The following CNTNAP2 variants were observed in gnomAD, a reference collection of about 807,000 sequenced individuals.
CNTNAP2 encodes the protein contactin associated protein 2, also known as contactin-associated protein-like 2.
In CNTNAP2, 98 loss-of-function variants were observed where a neutral mutation model predicts 155.2. That is an observed-to-expected ratio of 0.63 (90% CI 0.54 to 0.75). The LOEUF is 0.75. Among genes scored for constraint, CNTNAP2 ranks in the 30% least tolerant of loss-of-function variants. The pLI is 0.00. For synonymous variants in CNTNAP2, 651 were observed against 631.2 expected (o/e 1.03, Z -0.47); for missense variants, 1,727 against 1,688.1 (o/e 1.02, Z -0.40).
intron 11 of CNTNAP2, among the ~76,000 whole-genome samples, chr7:147,492,655 G>T (rs1308202963): frequency 6.6e-6 from 1 of 152,104 alleles, no homozygotes; most frequent in Non-Finnish European, 1.5e-5. Context: ...TTCCCCATCA[G>T]TTGGACATGT....
chr7:146,161,448 C>G (rs1217041726), intron 1 of CNTNAP2, among the ~76,000 whole-genome samples: 2 of 152,104 alleles, frequency 1.3e-5, no homozygotes, highest in Admixed American at 1.3e-4. Flanking sequence ...AGGATTCCAA[C>G]TTGCAAGAGA....
chr7:147,419,587 G>C (rs1412263800), intron 10 of CNTNAP2, among the ~76,000 whole-genome samples: 2 of 152,078 alleles, frequency 1.3e-5, no homozygotes, highest in African/African-American at 2.4e-5. Flanking sequence ...GAAAAAGAAG[G>C]CAGAAGTTAC....
chr7:147,754,290 TTCA>T (rs545279086), intron 13 of CNTNAP2, among the ~76,000 whole-genome samples: 135 of 152,334 alleles, frequency 8.9e-4, no homozygotes, highest in African/African-American at 3.0e-3. Context: ...AAGGCACCAA[TTCA>T]TCATCATCTT....
chr7:147,146,752 G>A (rs911869422), intron 8 of CNTNAP2: 6 of 152,054 alleles, frequency 3.9e-5, no homozygotes, highest in South Asian at 4.1e-4. Context: ...GGCTTTCATC[G>A]GAAACAATTA....
chr7:147,781,759 C>T (rs1212714798), intron 13 of CNTNAP2, among the ~76,000 whole-genome samples: 1 of 152,200 alleles, frequency 6.6e-6, no homozygotes, highest in African/African-American at 2.4e-5. Flanking sequence ...CGCGGTGGCT[C>T]ACGCCGGTAA....
intron 1 of CNTNAP2, among the ~76,000 whole-genome samples, chr7:146,277,728 A>T (rs1800186028): frequency 6.6e-6 from 1 of 152,234 alleles, no homozygotes; most frequent in African/African-American, 2.4e-5. Context: ...AAATTGCAAT[A>T]TAAAACAGAA....
intron 13 of CNTNAP2, among the ~76,000 whole-genome samples, chr7:147,745,662 A>G (rs1010169973): frequency 6.6e-6 from 1 of 152,224 alleles, no homozygotes; most frequent in African/African-American, 2.4e-5. Flanking sequence ...GAGAAATGTG[A>G]CTATAATGAA....
intron 15 of CNTNAP2, among the ~76,000 whole-genome samples, chr7:147,999,312 G>T (rs1801859470): frequency 6.6e-6 from 1 of 152,124 alleles, no homozygotes; most frequent in Non-Finnish European, 1.5e-5. Flanking sequence ...CTGACCTCAG[G>T]TGATCCGCCC....
intron 1 of CNTNAP2, among the ~76,000 whole-genome samples, chr7:146,430,241 G>A (rs1796154372): frequency 6.6e-6 from 1 of 151,126 alleles, no homozygotes; most frequent in Non-Finnish European, 1.5e-5. Context: ...AGTGCATTAA[G>A]AAACACCAGT....
chr7:146,867,022 T>A (rs145377036), intron 3 of CNTNAP2, among the ~76,000 whole-genome samples: 2 of 152,154 alleles, frequency 1.3e-5, no homozygotes, highest in African/African-American at 4.8e-5. Flanking sequence ...TCTTTTTTAA[T>A]CTTTTACTTT....
chr7:147,875,061 A>T lies in CNTNAP2; in HGVS notation c.2099-28504A>T, dbSNP rs527496229. On this transcript the variant is annotated intron_variant, in intron 13 of 23. Coordinates refer to ENST00000361727, the MANE Select transcript of CNTNAP2 (RefSeq NM_014141.6). ...TCTAGGAAGTTCCAAACTTTCCTACATCGTCCTGTCTTCTTCTGAGCCTTC... is the reference window on the plus strand; with the variant it reads ...TCTAGGAAGTTCCAAACTTTCCTACTTCGTCCTGTCTTCTTCTGAGCCTTC... Among the ~76,000 whole-genome samples the T allele has an allele frequency of 4.0e-4, 61 of 152,292 alleles. No individual in the cohort carries two copies. In the South Asian group the frequency reaches 5.6e-3, roughly 14 times the overall value.
At chr7:148,330,945 GGAGTGGATGGATA>G (rs1797988582) in intron 21 of CNTNAP2, among the ~76,000 whole-genome samples, 1 of 149,636 alleles carries the variant, frequency 6.7e-6, no homozygotes, top group Non-Finnish European at 1.5e-5. Context: ...GGAATTGGAT[GGAGTGGATGGATA>G]GAGTGGATGG....
chr7:148,240,874 G>A (rs1046497679), intron 20 of CNTNAP2, among the ~76,000 whole-genome samples: 2 of 152,136 alleles, frequency 1.3e-5, no homozygotes, highest in Non-Finnish European at 2.9e-5. Flanking sequence ...AAAGATGAAG[G>A]CCAGAAGATG....
chr7:146,672,721 T>C (rs547851095), intron 1 of CNTNAP2, among the ~76,000 whole-genome samples: 1 of 152,344 alleles, frequency 6.6e-6, no homozygotes, highest in East Asian at 1.9e-4. Context: ...CAATGCACTG[T>C]AATGTTGGAA....
intron 1 of CNTNAP2, among the ~76,000 whole-genome samples, chr7:146,687,627 T>C (rs1353886808): frequency 6.6e-6 from 1 of 152,224 alleles, no homozygotes; most frequent in African/African-American, 2.4e-5. Context: ...CAGATAATTA[T>C]GGCTTTTTAA....
chr7:146,298,562 G>C (rs544482457), intron 1 of CNTNAP2, among the ~76,000 whole-genome samples: 204 of 152,218 alleles, frequency 1.3e-3, no homozygotes, highest in Non-Finnish European at 2.2e-3. Context: ...AGGTTGCAAA[G>C]CCTTCTGTCC....
intron 11 of CNTNAP2, among the ~76,000 whole-genome samples, chr7:147,555,759 A>T (rs1213957547): frequency 6.6e-6 from 1 of 152,196 alleles, no homozygotes; most frequent in Non-Finnish European, 1.5e-5. Flanking sequence ...AACAGGAAGG[A>T]TGTATATTTC....
chr7:146,812,860 G>A (rs1457567714), intron 2 of CNTNAP2, among the ~76,000 whole-genome samples: 1 of 152,192 alleles, frequency 6.6e-6, no homozygotes, highest in Non-Finnish European at 1.5e-5. Context: ...GCAGCCTCGG[G>A]AGATGGTGCC....
At chr7:146,643,400 C>T (rs1799748570) in intron 1 of CNTNAP2, among the ~76,000 whole-genome samples, 1 of 151,984 alleles carries the variant, frequency 6.6e-6, no homozygotes, top group African/African-American at 2.4e-5. Context: ...TTCCCAGCAC[C>T]ATTTATTAAA....
Sources: gnomAD v4.1 joint callset for allele counts (sites outside exome capture counted in the v4.1 genomes callset) on GRCh38, gnomAD v4.1.1 for gene constraint, MANE v1.5 for transcripts, NCBI Gene and HGNC (gene_info 2026-07-23, HGNC 2026-07-21) for gene names.